The following STAG1 variants were observed in gnomAD, a reference collection of about 807,000 sequenced individuals.
STAG1 encodes cohesin subunit SA-1.
STAG1 carries 26 observed loss-of-function variants against 170.9 expected under a neutral mutation model. The ratio of observed to expected loss-of-function variants is 0.15; its 90% CI spans 0.11 to 0.21. The LOEUF (loss-of-function observed/expected upper bound fraction) is 0.21, where lower values mean the gene tolerates loss of function less well. STAG1 is among the 10% of genes least tolerant of loss of function. The pLI is 1.00. For missense variants in STAG1, 964 were observed against 1,509.5 expected (o/e 0.64, Z 5.99); for synonymous variants, 514 against 497.7 (o/e 1.03, Z -0.44).
chr3:136,748,939 A>C lies in STAG1; in HGVS notation c.-84+3256T>G, dbSNP rs551843211. Among the ~76,000 whole-genome samples the C allele has an allele frequency of 2.0e-5, 3 of 152,306 alleles. No homozygotes were observed. In the East Asian group the frequency reaches 5.8e-4, roughly 29 times the overall value. On this transcript the variant is annotated intron_variant, in intron 1 of 33. Transcript: ENST00000383202. ...AAGGTGAGGAAAAGGCAATATAAGT[A>C]AGAGTAAGCTGATCAAGTGGGGTTA...
intron 16 of STAG1, among the ~76,000 whole-genome samples, chr3:136,424,986 C>T (rs1172213037): frequency 5.9e-5 from 9 of 152,062 alleles, no homozygotes; most frequent in East Asian, 3.9e-4. Flanking sequence ...ATTACAGGCA[C>T]GCACCACCAC....
intron 1 of STAG1, among the ~76,000 whole-genome samples, chr3:136,639,120 G>A (rs889999060): frequency 6.7e-6 from 1 of 149,120 alleles, no homozygotes; most frequent in Non-Finnish European, 1.5e-5. Flanking sequence ...ATGTTCCCAT[G>A]CATATTATAA....
chr3:136,414,464 G>C (rs1303380499), intron 21 of STAG1, among the ~76,000 whole-genome samples: 3 of 152,136 alleles, frequency 2.0e-5, no homozygotes, highest in African/African-American at 4.8e-5. Context: ...CAGCAACTCA[G>C]GCAAATTTTC....
intron 21 of STAG1, among the ~76,000 whole-genome samples, chr3:136,415,074 T>A (rs2087734559): frequency 6.6e-6 from 1 of 152,070 alleles, no homozygotes; most frequent in African/African-American, 2.4e-5. Flanking sequence ...CATAGCAGAT[T>A]TAATACTAAT....
intron 1 of STAG1, among the ~76,000 whole-genome samples, chr3:136,666,655 T>A (rs962124792): frequency 9.9e-5 from 15 of 151,836 alleles, no homozygotes; most frequent in Non-Finnish European, 2.9e-5. Flanking sequence ...CCATCTCTAC[T>A]AAAAATACAA....
At chr3:136,418,212 T>A (rs548113805) in intron 20 of STAG1, among the ~76,000 whole-genome samples, 1 of 151,160 alleles carries the variant, frequency 6.6e-6, no homozygotes, top group Admixed American at 6.6e-5. Flanking sequence ...ACAAAAAAAT[T>A]AGCTGGGCAT....
At position 136,670,829 on chromosome 3, in the gene STAG1, T is replaced by C. The variant is rs531786220; in HGVS notation, c.-83-39848A>G. 5.7e-4 allele frequency among the ~76,000 whole-genome samples: 86 copies of C among 152,106 alleles called. 1 individual carries two copies. Among genetic ancestry groups the C allele is most frequent in the African/African-American group, 1.9e-3 (80 of 41,512 alleles). On this transcript the variant is annotated intron_variant, in intron 1 of 33. Transcript: ENST00000383202. ...AAGTAAAATCATCTATATTAACACA[T>C]GTTGAAATACATGTTAGCTGACACC...
chr3:136,606,482 G>A (rs1938944732), intron 3 of STAG1, among the ~76,000 whole-genome samples: 2 of 152,154 alleles, frequency 1.3e-5, no homozygotes, highest in South Asian at 4.1e-4. Context: ...GCCACCACGA[G>A]CGGCCTGATT....
intron 23 of STAG1, among the ~76,000 whole-genome samples, chr3:136,376,959 T>G (rs1306550518): frequency 6.6e-6 from 1 of 150,686 alleles, no homozygotes; most frequent in Non-Finnish European, 1.5e-5. Context: ...CCCGGCTAAT[T>G]TTTTTTTGTA....
intron 9 of STAG1, 102 bp from the exon 10 acceptor site, chr3:136,477,514 T>C (rs2089782954): frequency 3.6e-6 from 4 of 1,102,444 alleles, no homozygotes; most frequent in Non-Finnish European, 4.9e-6. Context: ...GCTGTTTGTA[T>C]ATATTTGCAT....
intron 5 of STAG1, among the ~76,000 whole-genome samples, chr3:136,567,006 G>A (rs947888410): frequency 1.1e-4 from 16 of 152,114 alleles, no homozygotes; most frequent in African/African-American, 3.9e-4. Flanking sequence ...CTACCCTATA[G>A]GTATGAAAAT....
chr3:136,405,593 T>C (rs2087458400), intron 21 of STAG1, among the ~76,000 whole-genome samples: 1 of 151,614 alleles, frequency 6.6e-6, no homozygotes, highest in South Asian at 2.1e-4. Context: ...TGGTGGTTCA[T>C]GCCTGTACTC....
rs1161626821 is a variant in STAG1, at chr3:136,366,925, A to G, written c.2685+18T>C. ...TGCCAGTTAGAGGAAGGAGAAAAAT[A>G]AGAATATTTAACTATACCTTCATGT... is the stretch of plus-strand genomic sequence containing the variant. On this transcript the variant is annotated intron_variant, in intron 25 of 33. Transcript: ENST00000383202. 1.3e-6 allele frequency: 2 copies of G among 1,525,308 alleles called. No individual in the cohort carries two copies. The highest frequency in any genetic ancestry group is 1.8e-6 in the Non-Finnish European group (2 of 1,127,802). 94.5% of individuals were successfully genotyped at this position (1,525,308 alleles called of 1,614,324 possible). A position where few individuals can be genotyped will look rare whatever the true frequency, so the allele number is the denominator to read the frequency against.
chr3:136,628,549 T>C (rs925492072), intron 2 of STAG1, among the ~76,000 whole-genome samples: 4 of 152,216 alleles, frequency 2.6e-5, no homozygotes, highest in African/African-American at 4.8e-5. Flanking sequence ...CTGGGCCTAA[T>C]AGCCTGCTCC....
In STAG1 at chr3:136,664,676, C is replaced by CT. The variant is rs904890587; in HGVS notation, c.-83-33696dup. On this transcript the variant is annotated intron_variant, in intron 1 of 33. Coordinates refer to ENST00000383202, the MANE Select transcript of STAG1 (RefSeq NM_005862.3). ...TGTGCTTTACACACAAAAAGAGCAACTTTTTTTTTTGCCCCCAAAACCAAT... is the reference window on the plus strand; with the variant it reads ...TGTGCTTTACACACAAAAAGAGCAACTTTTTTTTTTTGCCCCCAAAACCAAT... 6.8e-3 allele frequency among the ~76,000 whole-genome samples: 1,008 copies of CT among 149,080 alleles called. 12 individuals carry two copies. Among genetic ancestry groups the CT allele is most frequent in the African/African-American group, 0.023 (938 of 40,844 alleles).
intron 16 of STAG1, 97 bp from the exon 17 acceptor site, chr3:136,423,141 C>CAA (rs2088008553): frequency 1.4e-6 from 1 of 739,972 alleles, no homozygotes; most frequent in East Asian, 2.9e-5. Flanking sequence ...AATATAACCA[C>CAA]AAATTTTAAG....
chr3:136,364,875 T>C (rs897013275), intron 25 of STAG1, among the ~76,000 whole-genome samples: 1 of 152,172 alleles, frequency 6.6e-6, no homozygotes, highest in Non-Finnish European at 1.5e-5. Context: ...TGTGAAATGC[T>C]AAAAGGCGAA....
At chr3:136,584,218 T>C (rs1937693372) in intron 4 of STAG1, among the ~76,000 whole-genome samples, 1 of 152,246 alleles carries the variant, frequency 6.6e-6, no homozygotes, top group South Asian at 2.1e-4. Flanking sequence ...TTCAAGATTA[T>C]TTCCACTAAA....
intron 1 of STAG1, chr3:136,737,193 G>A (rs1675857335): frequency 2.8e-6 from 2 of 709,486 alleles, no homozygotes; most frequent in Admixed American, 1.8e-5. Context: ...TGCTGCCTCC[G>A]CCACACGAAG....
Sources: allele counts gnomAD v4.1 joint callset (sites outside exome capture counted in the v4.1 genomes callset), GRCh38; gene constraint gnomAD v4.1.1; transcripts MANE v1.5; gene names NCBI Gene and HGNC (gene_info 2026-07-23, HGNC 2026-07-21).